RASA1: variants seen among roughly 807,000 people sequenced by gnomAD.
RASA1 encodes the protein ras GTPase-activating protein 1.
In RASA1, 25 loss-of-function variants were observed where a neutral mutation model predicts 132.2. That is an observed-to-expected ratio of 0.19 (90% CI 0.14 to 0.26). The LOEUF is 0.26. Ranked by LOEUF, RASA1 falls within the 10% of genes least tolerant of loss-of-function variation. The pLI is 1.00. For synonymous variants in RASA1, 477 were observed against 449.9 expected, an observed-to-expected ratio of 1.06 and a Z score of -0.76; for missense variants, 964 against 1,299.2, an observed-to-expected ratio of 0.74 and a Z score of 3.97.
chr5:87,332,432 A>T, intron 2 of RASA1, 75 bp from the exon 3 acceptor site: 2 of 1,415,564 alleles, frequency 1.4e-6, no homozygotes, highest in South Asian at 2.4e-5. Flanking sequence ...TGGATTTATA[A>T]TTTCTTTATA....
intron 1 of RASA1, among the ~76,000 whole-genome samples, chr5:87,284,586 T>C (rs1384403579): frequency 6.6e-6 from 1 of 152,246 alleles, no homozygotes; most frequent in Non-Finnish European, 1.5e-5. Flanking sequence ...TGCAATGCTT[T>C]ATTGCTGGTG....
intron 22 of RASA1, among the ~76,000 whole-genome samples, chr5:87,386,331 G>A (rs1475495262): frequency 2.0e-5 from 3 of 152,038 alleles, no homozygotes; most frequent in East Asian, 1.9e-4. Flanking sequence ...AGTTAACTAC[G>A]TGTATGGCCT....
chr5:87,353,040 T>C (rs541281294), intron 8 of RASA1, 117 bp from the exon 9 acceptor site: 12 of 716,232 alleles, frequency 1.7e-5, no homozygotes, highest in South Asian at 1.6e-4. Context: ...ATTTGTGTTA[T>C]GTGCTTTGAA....
intron 1 of RASA1, among the ~76,000 whole-genome samples, chr5:87,325,226 A>G (rs1757144226): frequency 6.6e-6 from 1 of 152,190 alleles, no homozygotes; most frequent in South Asian, 2.1e-4. Flanking sequence ...CTATCACAAT[A>G]ACAGCAGCAT....
chr5:87,295,965 C>T (rs544798141), intron 1 of RASA1, among the ~76,000 whole-genome samples: 22 of 151,720 alleles, frequency 1.5e-4, no homozygotes, highest in Non-Finnish European at 2.5e-4. Context: ...TACAGGCGTG[C>T]GCCACCACGC....
At chr5:87,377,284 C>T (rs1161347427) in intron 17 of RASA1, 3 of 518,724 alleles carry the variant, frequency 5.8e-6, no homozygotes, top group African/African-American at 5.8e-5. Flanking sequence ...AAGGTGGTAT[C>T]TGTGTCTACA....
At chr5:87,286,565 T>C (rs1195966999) in intron 1 of RASA1, among the ~76,000 whole-genome samples, 2 of 152,066 alleles carry the variant, frequency 1.3e-5, no homozygotes, top group African/African-American at 4.8e-5. Flanking sequence ...TCTATTTTCA[T>C]TTTAATTCTG....
chr5:87,317,857 A>AACTTT (rs931820958), intron 1 of RASA1, among the ~76,000 whole-genome samples: 9 of 151,992 alleles, frequency 5.9e-5, no homozygotes, highest in African/African-American at 2.2e-4. Context: ...GCTGGTCTTG[A>AACTTT]ACTCATGAGC....
chr5:87,284,886 AT>A (rs1005859449), intron 1 of RASA1, among the ~76,000 whole-genome samples: 8 of 152,092 alleles, frequency 5.3e-5, no homozygotes, highest in Non-Finnish European at 1.0e-4. Flanking sequence ...TGTTTTTGAA[AT>A]TTTAACAAGT....
intron 1 of RASA1, among the ~76,000 whole-genome samples, chr5:87,275,593 C>G (rs1437340586): frequency 6.6e-6 from 1 of 151,026 alleles, no homozygotes; most frequent in African/African-American, 2.4e-5. Context: ...TTTTTCCCCC[C>G]TGAGATGGAG....
At chr5:87,373,901 T>C (rs117325449) in intron 13 of RASA1, among the ~76,000 whole-genome samples, 1 of 151,994 alleles carries the variant, frequency 6.6e-6, no homozygotes, top group Non-Finnish European at 1.5e-5. Flanking sequence ...TTTCATTATT[T>C]CTCCAGGAAT....
intron 1 of RASA1, among the ~76,000 whole-genome samples, chr5:87,326,146 AT>A (rs1272226039): frequency 2.2e-4 from 34 of 151,824 alleles, no homozygotes; most frequent in Admixed American, 2.2e-3. Flanking sequence ...TAATTTTTGT[AT>A]TTTTTGTAGA....
chr5:87,276,032 A>G (rs1387177183), intron 1 of RASA1, among the ~76,000 whole-genome samples: 1 of 152,018 alleles, frequency 6.6e-6, no homozygotes, highest in Middle Eastern at 3.2e-3. Context: ...ATGGGAGGGG[A>G]CTATAAAATG....
intron 11 of RASA1, among the ~76,000 whole-genome samples, chr5:87,368,108 T>C (rs1207059361): frequency 6.6e-6 from 1 of 152,146 alleles, no homozygotes; most frequent in African/African-American, 2.4e-5. Flanking sequence ...TTCTGCCACA[T>C]TCCTTTTTCT....
chr5:87,333,179 T>G (rs1444363952), intron 3 of RASA1, 88 bp from the exon 4 acceptor site: 7 of 1,538,150 alleles, frequency 4.6e-6, no homozygotes, highest in Non-Finnish European at 6.1e-6. Context: ...CTAATGTGAA[T>G]TTTTATTGGC....
At position 87,378,534 on chromosome 5, in the gene RASA1, G is replaced by C; in HGVS notation, c.2483G>C (p.Cys828Ser). 1 of 1,607,230 alleles carries C rather than the reference G, an allele frequency of 6.2e-7. No individual in the cohort carries two copies. Among genetic ancestry groups the C allele is most frequent in the Middle Eastern group, 1.7e-4 (1 of 6,048 alleles). Residue 828 changes from cysteine (C) to serine (S), a missense_variant, in exon 18 of 25, where the codon TGT (cysteine) becomes TCT (serine). This residue lies in a region of RASA1 where 346 missense variants were observed against 520.1 expected (regional missense o/e 0.67). Transcript: ENST00000274376. ...ILKIMESKQSCELSPSKLEKN... is the reference protein window; with the variant it reads ...ILKIMESKQSSELSPSKLEKN... ...AAGATAATGGAAAGCAAGCAGTCTT[G>C]TGAGGTAAGAATTTAATGTTTTAAT...
chr5:87,270,378 C>A (rs960485251), intron 1 of RASA1, among the ~76,000 whole-genome samples: 1 of 148,706 alleles, frequency 6.7e-6, no homozygotes, highest in Non-Finnish European at 1.5e-5. Flanking sequence ...GATGGAGTCT[C>A]GCCTTGTTGC....
intron 11 of RASA1, among the ~76,000 whole-genome samples, chr5:87,367,769 T>C (rs895309312): frequency 6.6e-6 from 1 of 152,214 alleles, no homozygotes; most frequent in Non-Finnish European, 1.5e-5. Context: ...GATATTAAAT[T>C]CAAGATTGGC....
At chr5:87,275,571 G>A (rs1028395122) in intron 1 of RASA1, among the ~76,000 whole-genome samples, 1 of 151,642 alleles carries the variant, frequency 6.6e-6, no homozygotes, top group African/African-American at 2.4e-5. Context: ...AAGAAGGTTG[G>A]CCTTCTTTTT....
Sources: allele counts gnomAD v4.1 joint callset (sites outside exome capture counted in the v4.1 genomes callset), GRCh38; gene constraint gnomAD v4.1.1; regional missense constraint gnomAD v4.1.1; transcripts MANE v1.5; gene names NCBI Gene and HGNC (gene_info 2026-07-23, HGNC 2026-07-21).